The following TUBB8 variants were observed in gnomAD, a reference collection of about 807,000 sequenced individuals.
TUBB8 encodes the protein tubulin beta 8 class VIII, also known as tubulin beta-8 chain.
Under a neutral mutation model 33.7 loss-of-function variants are expected in TUBB8, and 25 were observed. The ratio of observed to expected loss-of-function variants is 0.74; its 90% CI spans 0.54 to 1.04. TUBB8 has a LOEUF of 1.04. Ranked by LOEUF, TUBB8 falls within the 50% of genes least tolerant of loss-of-function variation. The probability of loss-of-function intolerance (pLI) is 0.00; values close to 1 mark genes in which losing one functional copy is unlikely to be tolerated. For synonymous variants in TUBB8, 245 were observed against 240.1 expected, an observed-to-expected ratio of 1.02 and a Z score of -0.19; for missense variants, 279 against 608.0, an observed-to-expected ratio of 0.46 and a Z score of 5.69.
At chr10:59,145 T>G (rs1176192973) in intron 1 of TUBB8, among the ~76,000 whole-genome samples, 1 of 152,192 alleles carries the variant, frequency 6.6e-6, no homozygotes, top group African/African-American at 2.4e-5. Context: ...AATATTAAAT[T>G]TTATCAAATA....
chr10:61,772 G>C (rs1166930163), intron 1 of TUBB8, among the ~76,000 whole-genome samples: 1 of 152,116 alleles, frequency 6.6e-6, no homozygotes, highest in Non-Finnish European at 1.5e-5. Flanking sequence ...TTATCTAGGT[G>C]CTTTAGTGTT....
intron 1 of TUBB8, among the ~76,000 whole-genome samples, chr10:65,398 A>T: frequency 6.6e-6 from 1 of 152,258 alleles, no homozygotes; most frequent in East Asian, 1.9e-4. Context: ...ACAGAAAGGT[A>T]CAGATCAATG....
intron 1 of TUBB8, among the ~76,000 whole-genome samples, chr10:63,783 GCC>G (rs1400071337): frequency 1.3e-5 from 2 of 152,050 alleles, no homozygotes; most frequent in African/African-American, 4.8e-5. Flanking sequence ...TCCAGGATTT[GCC>G]CCTGGTGCCT....
Position 47,753 on chromosome 10 carries a change from C to A in TUBB8, c.639G>T (p.Lys213Asn). 6.2e-7 allele frequency: 1 copy of A among 1,613,742 alleles called. No individual in the cohort carries two copies. Among genetic ancestry groups the A allele is most frequent in the Non-Finnish European group, 8.5e-7 (1 of 1,180,040 alleles). Residue 213 changes from lysine (K) to asparagine (N), a missense_variant, in exon 4 of 4, where the codon AAG (lysine) becomes AAT (asparagine). Physicochemically the swap from Lys to Asn is moderately conservative, Grantham distance 94. This residue lies in a region of TUBB8 where 96 missense variants were observed against 233.7 expected (regional missense o/e 0.41). Transcript: ENST00000568584. ...AGGTGGGTGTGGGCAGTTTTAGGGT[C>A]TTGGAACATATGTCATACAGAGCTT... ...DNEALYDICS[K>N]TLKLPTPTYG...
rs527333526 is a variant in TUBB8, at chr10:48,128, C to T, written c.278-14G>A. On this transcript the variant is annotated splice_polypyrimidine_tract_variant and intron_variant, in intron 3 of 3. Transcript: ENST00000568584. ...CCCCACACTGACCTGTAAGACAGCA[C>T]AGCCGGTCACTCGACGGCCAGGTAT... is the stretch of plus-strand genomic sequence containing the variant. 38 of 1,583,422 alleles carry T rather than the reference C, an allele frequency of 2.4e-5. No individual in the cohort carries two copies. Among genetic ancestry groups the T allele is most frequent in the Non-Finnish European group, 3.1e-5 (36 of 1,153,692 alleles).
In TUBB8 at chr10:62,379, T is replaced by A. The variant is rs545353114; in HGVS notation, c.-846+11590A>T. On this transcript the variant is annotated intron_variant, in intron 1 of 3. Transcript: ENST00000564130. The stretch of plus-strand genomic sequence containing the variant: ...ACAAAGAAACAAGCAAAGCAACTAA[T>A]AAAAACTCTACACTTTAACTCCATT... Among the ~76,000 whole-genome samples the A allele has an allele frequency of 2.4e-4, 20 of 81,974 alleles. No homozygotes were observed. In the South Asian group the frequency reaches 8.6e-3, roughly 35 times the overall value. The allele number at this position is 81,974 out of a possible 152,430, so 53.8% of individuals were successfully genotyped here. A position where few individuals can be genotyped will look rare whatever the true frequency, so the allele number is the denominator to read the frequency against.
At chr10:65,410 C>G (rs1834658033) in intron 1 of TUBB8, among the ~76,000 whole-genome samples, 1 of 152,210 alleles carries the variant, frequency 6.6e-6, no homozygotes, top group South Asian at 2.1e-4. Flanking sequence ...AGATCAATGT[C>G]TAGTATAATT....
intron 1 of TUBB8, among the ~76,000 whole-genome samples, chr10:73,292 C>A (rs1331119391): frequency 2.0e-5 from 3 of 152,194 alleles, no homozygotes; most frequent in Admixed American, 6.5e-5. Flanking sequence ...TGATAATGTG[C>A]CTACTTTTCC....
chr10:71,684 T>C (rs1438841944), intron 1 of TUBB8, among the ~76,000 whole-genome samples: 1 of 151,798 alleles, frequency 6.6e-6, no homozygotes, highest in Non-Finnish European at 1.5e-5. Flanking sequence ...CCCAGCACTT[T>C]GGGAGGCTGA....
At chr10:49,684 G>A (rs1834441137), upstream of TUBB8, 1 of 426,740 alleles carries the variant, frequency 2.3e-6, no homozygotes, top group Non-Finnish European at 4.7e-6. Flanking sequence ...GGTTAGGAAA[G>A]GCCTTCCACA....
intron 1 of TUBB8, among the ~76,000 whole-genome samples, chr10:69,653 G>A (rs1174929229): frequency 1.3e-5 from 2 of 152,140 alleles, no homozygotes; most frequent in Admixed American, 6.5e-5. Context: ...GGCCGGGCAT[G>A]GTGGCTCATG....
At chr10:60,005 A>G (rs1236507992) in intron 1 of TUBB8, among the ~76,000 whole-genome samples, 1 of 152,044 alleles carries the variant, frequency 6.6e-6, no homozygotes, top group Non-Finnish European at 1.5e-5. Flanking sequence ...ATTAATTTGT[A>G]TCTTTGTTTT....
chr10:72,031 G>A (rs1554742391), intron 1 of TUBB8, among the ~76,000 whole-genome samples: 4 of 152,084 alleles, frequency 2.6e-5, no homozygotes, highest in Admixed American at 2.0e-4. Context: ...TTAGAGATAA[G>A]CCTGACCAAA....
At chr10:76,266 T>G (rs1217675732), upstream of TUBB8, among the ~76,000 whole-genome samples, 5 of 150,426 alleles carry the variant, frequency 3.3e-5, no homozygotes, top group Admixed American at 6.6e-5. Context: ...ACGTTCCTCC[T>G]CCTCTCCGGG....
At chr10:74,625 C>CAAAAAAAAAAAAAAAAGAAAGA (rs1834784586), upstream of TUBB8, among the ~76,000 whole-genome samples, 2 of 89,676 alleles carry the variant, frequency 2.2e-5, no homozygotes, top group African/African-American at 4.4e-5. Context: ...GACTCAGTAT[C>CAAAAAAAAAAAAAAAAGAAAGA]AAAAAAAAAA....
At chr10:75,790 G>C (rs1834805440), upstream of TUBB8, among the ~76,000 whole-genome samples, 1 of 152,012 alleles carries the variant, frequency 6.6e-6, no homozygotes, top group African/African-American at 2.4e-5. Flanking sequence ...AGCATAATGT[G>C]CTACTTTTCC....
intron 1 of TUBB8, among the ~76,000 whole-genome samples, chr10:73,244 G>A (rs1388653009): frequency 6.6e-6 from 1 of 152,222 alleles, no homozygotes; most frequent in Non-Finnish European, 1.5e-5. Flanking sequence ...ACAAGGTCTC[G>A]CTCTGTTGCC....
exon 1 of TUBB8, chr10:74,079 G>C (rs1443467226): frequency 6.7e-6 from 1 of 149,764 alleles, no homozygotes; most frequent in African/African-American, 2.6e-5. Context: ...AGGAGAGGAA[G>C]CTCCGTCCTC....
In TUBB8 at chr10:48,792, C is replaced by G. The variant is rs374432016; in HGVS notation, c.166+12G>C. 6.2e-7 allele frequency: 1 copy of G among 1,611,228 alleles called. No individual in the cohort carries two copies. The highest frequency in any genetic ancestry group is 8.5e-7 in the Non-Finnish European group (1 of 1,179,028). On this transcript the variant is annotated intron_variant, in intron 2 of 3. Transcript: ENST00000568584. Reference sequence around the variant, plus strand: ...TCCCAGGAGGGCGGTGGGGGAAGGACGGGGGTCTCACCGCTGGCCTCGTTG... The same window carrying G: ...TCCCAGGAGGGCGGTGGGGGAAGGAGGGGGGTCTCACCGCTGGCCTCGTTG...
Sources: allele counts gnomAD v4.1 joint callset (sites outside exome capture counted in the v4.1 genomes callset), GRCh38; gene constraint gnomAD v4.1.1; regional missense constraint gnomAD v4.1.1; transcripts MANE v1.5; gene names NCBI Gene and HGNC (gene_info 2026-07-23, HGNC 2026-07-21).